The following RUNX1T1 variants were observed in gnomAD, a reference collection of about 807,000 sequenced individuals.
The protein encoded by RUNX1T1 is protein CBFA2T1.
A neutral mutation model predicts 62.8 loss-of-function variants in RUNX1T1; 4 were observed. The observed-to-expected ratio is 0.06, with a 90% CI of 0.03 to 0.15. RUNX1T1 has a LOEUF of 0.15. RUNX1T1 is among the 10% of genes least tolerant of loss of function. The probability of loss-of-function intolerance (pLI) is 1.00; values close to 1 mark genes in which losing one functional copy is unlikely to be tolerated. For synonymous variants in RUNX1T1, 291 were observed against 286.0 expected (o/e 1.02, Z -0.18); for missense variants, 508 against 754.3 (o/e 0.67, Z 3.82).
chr8:92,001,309 C>G (rs1191902063), intron 5 of RUNX1T1, among the ~76,000 whole-genome samples: 1 of 152,078 alleles, frequency 6.6e-6, no homozygotes, highest in Non-Finnish European at 1.5e-5. Context: ...GTGGGAGGAT[C>G]ACATGAGCCC....
At chr8:91,970,930 A>C in intron 9 of RUNX1T1, 82 bp from the exon 11 acceptor site, 3 of 1,235,072 alleles carry the variant, frequency 2.4e-6, no homozygotes, top group Non-Finnish European at 3.2e-6. Context: ...CTTTTCTTTT[A>C]ATTTTTTTTT....
chr8:92,090,546 TG>T (rs1836830241), intron 1 of RUNX1T1, among the ~76,000 whole-genome samples: 1 of 152,090 alleles, frequency 6.6e-6, no homozygotes, highest in South Asian at 2.1e-4. Context: ...CTGGATCAGG[TG>T]GTACTGAGGA....
At chr8:92,008,602 G>C (rs1821334173) in intron 4 of RUNX1T1, among the ~76,000 whole-genome samples, 1 of 152,052 alleles carries the variant, frequency 6.6e-6, no homozygotes, top group African/African-American at 2.4e-5. Context: ...ACAAATTCCT[G>C]AATGATAATC....
rs537048488 is a variant in RUNX1T1, at chr8:92,082,128, G to A, written c.-85-5991C>T. On this transcript the variant is annotated intron_variant, in intron 1 of 11. Coordinates refer to the RUNX1T1 transcript ENST00000265814. ...TCTCGATCTCCTGACCTCGTGATCC[G>A]CCCGCCTCAGCCTCCCAAAGTACTG... Among the ~76,000 whole-genome samples, 16 of 152,040 alleles carry A rather than the reference G, an allele frequency of 1.1e-4. No homozygotes were observed. In the South Asian group the frequency reaches 2.9e-3, roughly 28 times the overall value.
intron 6 of RUNX1T1, among the ~76,000 whole-genome samples, chr8:91,989,679 T>A (rs1327501027): frequency 6.6e-6 from 1 of 152,192 alleles, no homozygotes; most frequent in African/African-American, 2.4e-5. Context: ...TGAACTGGTC[T>A]CACCGTGACC....
intron 5 of RUNX1T1, among the ~76,000 whole-genome samples, chr8:91,994,895 T>A (rs904246971): frequency 6.6e-6 from 1 of 152,218 alleles, no homozygotes; most frequent in African/African-American, 2.4e-5. Context: ...AACTCTGCAA[T>A]TCAAGTATTC....
At chr8:91,990,441 T>C (rs1465017090) in intron 6 of RUNX1T1, among the ~76,000 whole-genome samples, 1 of 152,136 alleles carries the variant, frequency 6.6e-6, no homozygotes, top group Non-Finnish European at 1.5e-5. Flanking sequence ...AGACTGACTA[T>C]TGCTCTCAGT....
chr8:92,031,650 T>G (rs1231839490), intron 1 of RUNX1T1, among the ~76,000 whole-genome samples: 5 of 152,128 alleles, frequency 3.3e-5, no homozygotes, highest in South Asian at 2.1e-4. Flanking sequence ...AATTTTTTTT[T>G]GTAGAGGTTT....
rs1822632932 is a variant in RUNX1T1 at position 92,014,569 on chromosome 8, A to G, written c.387+10T>C. The G allele has an allele frequency of 6.3e-7, 1 of 1,584,284 alleles. No individual in the cohort carries two copies. The highest frequency in any genetic ancestry group is 2.2e-5 in the East Asian group (1 of 44,494). On this transcript the variant is annotated intron_variant, in intron 3 of 10. Transcript: ENST00000396218. ...CACCAAGAAAACTGGGTTGGTTTCC[A>G]TTTGCTTACCACTAGTCCCAGAACG...
chr8:91,982,684 G>T (rs1411391033), intron 8 of RUNX1T1, among the ~76,000 whole-genome samples: 5 of 152,106 alleles, frequency 3.3e-5, no homozygotes, highest in African/African-American at 1.2e-4. Flanking sequence ...TTCTAATTTT[G>T]TTAAGAGTTG....
exon 11 of RUNX1T1, chr8:91,959,474 GCGTGTGTGTGTGTGTA>G (rs1563591579): frequency 5.3e-4 from 21 of 39,306 alleles, no homozygotes; most frequent in Middle Eastern, 0.016. Flanking sequence ...GTGTATATGT[GCGTGTGTGTGTGTGTA>G]TATATATATA....
intron 1 of RUNX1T1, 21 bp from the exon 3 acceptor site, chr8:92,017,384 C>T: frequency 6.2e-7 from 1 of 1,613,986 alleles, no homozygotes; most frequent in Non-Finnish European, 8.5e-7. Context: ...CCACCAGGAA[C>T]ATATTATTTT....
At chr8:92,008,689 AAC>A (rs1036203945) in intron 4 of RUNX1T1, among the ~76,000 whole-genome samples, 1 of 152,136 alleles carries the variant, frequency 6.6e-6, no homozygotes, top group African/African-American at 2.4e-5. Flanking sequence ...CCCATCCAGA[AAC>A]AGCCTTAATA....
chr8:91,964,766 T>TTA (rs1397536525), intron 10 of RUNX1T1, among the ~76,000 whole-genome samples: 1 of 152,170 alleles, frequency 6.6e-6, no homozygotes, highest in Non-Finnish European at 1.5e-5. Flanking sequence ...TAGCAGGCAC[T>TTA]TAACTCCCAA....
chr8:91,963,613 G>A (rs1810994664), intron 10 of RUNX1T1, among the ~76,000 whole-genome samples: 1 of 152,200 alleles, frequency 6.6e-6, no homozygotes, highest in Non-Finnish European at 1.5e-5. Context: ...AACAGCGGAA[G>A]GTGCAGAATC....
At chr8:91,961,549 A>G (rs1810448065) in intron 10 of RUNX1T1, among the ~76,000 whole-genome samples, 1 of 152,210 alleles carries the variant, frequency 6.6e-6, no homozygotes, top group South Asian at 2.1e-4. Flanking sequence ...TTTAAGATAA[A>G]TGCATCACGA....
chr8:92,059,783 T>C (rs1201056416), intron 1 of RUNX1T1, among the ~76,000 whole-genome samples: 4 of 152,176 alleles, frequency 2.6e-5, no homozygotes, highest in Admixed American at 1.3e-4. Flanking sequence ...GATGGAGATG[T>C]CTTAAGTAAA....
intron 1 of RUNX1T1, among the ~76,000 whole-genome samples, chr8:92,092,732 A>T (rs1837221183): frequency 1.3e-5 from 2 of 152,060 alleles, no homozygotes; most frequent in African/African-American, 2.4e-5. Flanking sequence ...ACCTATGGAA[A>T]CCTCTTTTAT....
intron 10 of RUNX1T1, among the ~76,000 whole-genome samples, chr8:91,963,408 C>T (rs928248165): frequency 6.6e-6 from 1 of 151,932 alleles, no homozygotes. Context: ...GTGTAGGGAA[C>T]TTTAGTGAGT....
Sources: gnomAD v4.1 joint callset for allele counts (sites outside exome capture counted in the v4.1 genomes callset) on GRCh38, gnomAD v4.1.1 for gene constraint, MANE v1.5 for transcripts, NCBI Gene and HGNC (gene_info 2026-07-23, HGNC 2026-07-21) for gene names.